Variants in CFAP95 observed in about 807,000 individuals in gnomAD.
CFAP95 encodes cilia and flagella associated protein 95.
the CFAP95 span, among the ~76,000 whole-genome samples, chr9:69,829,133 G>A: frequency 2.6e-5 from 4 of 152,142 alleles, no homozygotes; most frequent in Admixed American, 2.0e-4. Context: ...TGGATCCTAC[G>A]CCACGGTTAT....
At chr9:69,872,567 G>T in the CFAP95 span, among the ~76,000 whole-genome samples, 2 of 152,136 alleles carry the variant, frequency 1.3e-5, no homozygotes, top group South Asian at 4.1e-4. Context: ...ATCTTGCAAA[G>T]CTGCTAGGGT....
the CFAP95 span, among the ~76,000 whole-genome samples, chr9:69,827,440 A>C: frequency 6.6e-6 from 1 of 152,216 alleles, no homozygotes; most frequent in Non-Finnish European, 1.5e-5. Context: ...ATTAAAGCTT[A>C]TCTCTGTCTC....
the CFAP95 span, among the ~76,000 whole-genome samples, chr9:69,895,359 CTCTCTCTCTCTGTGTGTGTGTG>C: frequency 2.1e-5 from 2 of 97,290 alleles, no homozygotes; most frequent in Admixed American, 1.0e-4. Context: ...CTCTCTCTCT[CTCTCTCTCTCTGTGTGTGTGTG>C]TGTGTGTGTG....
chr9:69,841,965 C>T, the CFAP95 span, among the ~76,000 whole-genome samples: 3 of 152,168 alleles, frequency 2.0e-5, no homozygotes. Flanking sequence ...GGGGACATAG[C>T]CAAACCATAT....
chr9:69,878,184 T>C, the CFAP95 span, among the ~76,000 whole-genome samples: 1 of 152,090 alleles, frequency 6.6e-6, no homozygotes, highest in South Asian at 2.1e-4. Flanking sequence ...AGCCCTAGGA[T>C]CCTTATTTTC....
chr9:69,856,756 C>A, the CFAP95 span: 2 of 812,444 alleles, frequency 2.5e-6, no homozygotes, highest in African/African-American at 1.7e-5. Context: ...TATAGTGACC[C>A]CAGTTCCACA....
At chr9:69,831,359 A>G in the CFAP95 span, among the ~76,000 whole-genome samples, 1 of 152,212 alleles carries the variant, frequency 6.6e-6, no homozygotes, top group Non-Finnish European at 1.5e-5. Context: ...GTAAGGATCC[A>G]GAAGCATTAA....
the CFAP95 span, among the ~76,000 whole-genome samples, chr9:69,822,674 G>C: frequency 6.6e-6 from 1 of 152,292 alleles, no homozygotes; most frequent in South Asian, 2.1e-4. Flanking sequence ...CTATTACTTT[G>C]AAAATTGCAT....
At chr9:69,849,756 A>G in the CFAP95 span, among the ~76,000 whole-genome samples, 2 of 152,170 alleles carry the variant, frequency 1.3e-5, no homozygotes, top group African/African-American at 4.8e-5. Context: ...TTCCTATTTC[A>G]ATGGTCCCTC....
At chr9:69,832,786 C>T in the CFAP95 span, among the ~76,000 whole-genome samples, 1 of 149,962 alleles carries the variant, frequency 6.7e-6, no homozygotes, top group Non-Finnish European at 1.5e-5. Context: ...TGTTGGTGTG[C>T]TGCACCCATT....
the CFAP95 span, among the ~76,000 whole-genome samples, chr9:69,892,677 C>T: frequency 5.3e-5 from 8 of 152,200 alleles, no homozygotes; most frequent in African/African-American, 1.7e-4. Flanking sequence ...CACCCTGGCC[C>T]GCCACAACCC....
chr9:69,848,509 C>A, the CFAP95 span, among the ~76,000 whole-genome samples: 7 of 152,182 alleles, frequency 4.6e-5, no homozygotes, highest in Admixed American at 1.3e-4. Context: ...CACCTTGGAA[C>A]ATTCACCAGT....
the CFAP95 span, among the ~76,000 whole-genome samples, chr9:69,843,600 CTTCTTCTTCTTCTTCTTCTTCTTCTTCT>C: frequency 1.1e-4 from 8 of 70,492 alleles, no homozygotes; most frequent in Non-Finnish European, 1.7e-4. Context: ...TCTTCTTCTT[CTTCTTCTTCTTCTTCTTCTTCTTCTTCT>C]TCCTCCTCCT....
At chr9:69,865,893 C>A in the CFAP95 span, among the ~76,000 whole-genome samples, 141 of 152,212 alleles carry the variant, frequency 9.3e-4, no homozygotes, top group Admixed American at 1.5e-3. Flanking sequence ...TATATGTTAA[C>A]TCAGTACTCC....
At chr9:69,882,896 G>T in the CFAP95 span, among the ~76,000 whole-genome samples, 1 of 152,182 alleles carries the variant, frequency 6.6e-6, no homozygotes, top group East Asian at 1.9e-4. Flanking sequence ...TAGAGATACT[G>T]GCCTGTAGTT....
At chr9:69,883,915 C>T in the CFAP95 span, among the ~76,000 whole-genome samples, 1 of 151,580 alleles carries the variant, frequency 6.6e-6, no homozygotes, top group Admixed American at 6.6e-5. Context: ...TTCATTTCTT[C>T]TACTAATTTT....
At chr9:69,892,759 C>G in the CFAP95 span, among the ~76,000 whole-genome samples, 39 of 152,154 alleles carry the variant, frequency 2.6e-4, no homozygotes, top group Non-Finnish European at 3.8e-4. Context: ...AAAAAGCAGT[C>G]AGACATTGGA....
the CFAP95 span, among the ~76,000 whole-genome samples, chr9:69,825,547 C>A: frequency 1.3e-5 from 2 of 152,286 alleles, no homozygotes; most frequent in East Asian, 3.9e-4. Flanking sequence ...CTTATCACAC[C>A]TTGATGCTTC....
the CFAP95 span, among the ~76,000 whole-genome samples, chr9:69,880,287 G>T: frequency 6.6e-6 from 1 of 151,764 alleles, no homozygotes; most frequent in Non-Finnish European, 1.5e-5. Context: ...TCCCCACTAT[G>T]CCATCCCTTC....
Sources: allele counts gnomAD v4.1 joint callset (sites outside exome capture counted in the v4.1 genomes callset), GRCh38; gene constraint gnomAD v4.1.1; transcripts MANE v1.5; gene names NCBI Gene and HGNC (gene_info 2026-07-23, HGNC 2026-07-21).